OGDHL: variants seen among roughly 807,000 people sequenced by gnomAD.
The protein encoded by OGDHL is 2-oxoglutarate dehydrogenase-like, mitochondrial.
Under a neutral mutation model 109.6 loss-of-function variants are expected in OGDHL, and 79 were observed. That is an observed-to-expected ratio of 0.72 (90% CI 0.60 to 0.87). The LOEUF (loss-of-function observed/expected upper bound fraction) is 0.87. Among genes scored for constraint, OGDHL ranks in the 40% least tolerant of loss-of-function variants. The pLI is 0.00. For synonymous variants in OGDHL, 528 were observed against 537.2 expected (o/e 0.98, Z 0.24); for missense variants, 1,275 against 1,362.2 (o/e 0.94, Z 1.01).
chr10:49,747,324 T>G, intron 8 of OGDHL, 116 bp from the exon 9 acceptor site: 2 of 1,104,414 alleles, frequency 1.8e-6, no homozygotes, highest in Non-Finnish European at 2.6e-6. Flanking sequence ...TCCCACTGCC[T>G]CAGAGGGCCA....
At chr10:49,757,513 A>G (rs1450271334) in intron 2 of OGDHL, among the ~76,000 whole-genome samples, 1 of 152,210 alleles carries the variant, frequency 6.6e-6, no homozygotes, top group African/African-American at 2.4e-5. Context: ...CACTTTGGGG[A>G]ATTTACCCTA....
intron 14 of OGDHL, 44 bp downstream of exon 14, chr10:49,743,950 G>A: frequency 6.3e-7 from 1 of 1,597,506 alleles, no homozygotes; most frequent in Non-Finnish European, 8.6e-7. Context: ...ACAGTGTTGG[G>A]GTGGGGCCAG....
At chr10:49,739,961 C>T (rs537332803) in intron 16 of OGDHL, 122 bp from the exon 17 acceptor site, 32 of 1,007,580 alleles carry the variant, frequency 3.2e-5, no homozygotes, top group Admixed American at 1.1e-4. Flanking sequence ...CAAGCCAGGA[C>T]GAACCCAGGG....
In OGDHL at chr10:49,758,776, G is replaced by A. The variant is rs1588813115; in HGVS notation, c.-1-183C>T. The A allele has an allele frequency of 7.9e-6, 5 of 634,446 alleles. No individual in the cohort carries two copies. The East Asian group carries it at 1.1e-4, about 14-fold the overall frequency. The allele number at this position is 634,446 out of a possible 1,614,324, so 39.3% of individuals were successfully genotyped here. ...CCCCTGGGCTTACTGTCTGGTGGAA[G>A]CTCCCAGCTCAGTAAACTCTATCAA... On this transcript the variant is annotated intron_variant, in intron 1 of 22. Coordinates refer to ENST00000374103, the MANE Select transcript of OGDHL (RefSeq NM_018245.3).
intron 17 of OGDHL, 39 bp from the exon 18 acceptor site, chr10:49,738,301 C>G: frequency 6.2e-7 from 1 of 1,609,802 alleles, no homozygotes; most frequent in Non-Finnish European, 8.5e-7. Flanking sequence ...TGGACCCCAC[C>G]ATGGGAAAGA....
chr10:49,751,835 G>C lies in OGDHL; in HGVS notation c.741C>G (p.Arg247=). ...CTCCAGGTGGTGCCAACCTCATGGAGCGCACTAGCCGGGCCAGCAGGGTCC... is the reference window on the plus strand; with the variant it reads ...CTCCAGGTGGTGCCAACCTCATGGACCGCACTAGCCGGGCCAGCAGGGTCC... ...EKRTLLARLV[R]SMRFEDFLAR... The change falls in exon 6 of 23, where the codon CGC becomes CGG. Residue 247 remains arginine, a synonymous_variant. Coordinates refer to ENST00000374103, the MANE Select transcript of OGDHL (RefSeq NM_018245.3). The C allele has an allele frequency of 6.2e-7, 1 of 1,613,706 alleles. No individual in the cohort carries two copies. Among genetic ancestry groups the C allele is most frequent in the Non-Finnish European group, 8.5e-7 (1 of 1,179,914 alleles).
Position 49,740,832 on chromosome 10 carries a change from C to T in OGDHL, c.2018G>A (p.Arg673Gln), listed in dbSNP as rs1462948301. The T allele has an allele frequency of 3.1e-6, 5 of 1,613,824 alleles. No homozygotes were observed. The highest frequency in any genetic ancestry group is 1.3e-5 in the African/African-American group (1 of 75,022). Reference sequence around the variant, plus strand: ...CTCCTGGTCATGGAGAACATGGTGCCGGTGACTGCAGAGACACAGACCGGG... The same window carrying T: ...CTCCTGGTCATGGAGAACATGGTGCTGGTGACTGCAGAGACACAGACCGGG... ...QDVERGTFSH[R>Q]HHVLHDQEVD... The change falls in exon 16 of 23, where the codon CGG (arginine) becomes CAG (glutamine). Residue 673 changes from arginine (R) to glutamine (Q), a missense_variant. Transcript: ENST00000374103.
In OGDHL at chr10:49,735,998, G is replaced by A. The variant is rs374277375; in HGVS notation, c.2909+25C>T. On this transcript the variant is annotated intron_variant, in intron 22 of 22. Transcript: ENST00000374103. ...ACAGAGCCTCAGGGCCGAGGTGAGG[G>A]GCAATCAGCGGCCCCACCATGTACC... The A allele has an allele frequency of 6.3e-4, 968 of 1,542,446 alleles. 1 individual carries two copies. Among genetic ancestry groups the A allele is most frequent in the Non-Finnish European group, 8.2e-4 (934 of 1,144,168 alleles).
intron 4 of OGDHL, among the ~76,000 whole-genome samples, 153 bp from the exon 5 acceptor site, chr10:49,752,401 G>C (rs1029483956): frequency 6.6e-6 from 1 of 152,218 alleles, no homozygotes; most frequent in Non-Finnish European, 1.5e-5. Context: ...AGTGAGCCCA[G>C]GGAGGCAGGG....
intron 10 of OGDHL, among the ~76,000 whole-genome samples, 186 bp from the exon 11 acceptor site, chr10:49,746,163 G>A (rs574246029): frequency 2.6e-5 from 4 of 152,282 alleles, no homozygotes; most frequent in Admixed American, 6.5e-5. Context: ...CCACGGGGAC[G>A]GCAGCAGCAC....
rs894861207 is a variant in OGDHL at position 49,746,741 on chromosome 10, C to T, written c.1296+9G>A. 2.5e-6 allele frequency: 4 copies of T among 1,613,768 alleles called. No homozygotes were observed. In the African/African-American group the frequency reaches 5.3e-5, roughly 22 times the overall value. Reference sequence around the variant, plus strand: ...GCTGTGAGGCCCAGCGTGGAGCCTACATGCTCACCTGGTTGTTGACGACGA... The same window carrying T: ...GCTGTGAGGCCCAGCGTGGAGCCTATATGCTCACCTGGTTGTTGACGACGA... On this transcript the variant is annotated intron_variant, in intron 10 of 22. Coordinates refer to ENST00000374103, the MANE Select transcript of OGDHL (RefSeq NM_018245.3).
chr10:49,753,210 C>CAT (rs1842719487), intron 3 of OGDHL, among the ~76,000 whole-genome samples: 1 of 152,114 alleles, frequency 6.6e-6, no homozygotes, highest in Non-Finnish European at 1.5e-5. Flanking sequence ...GTGAACTACA[C>CAT]ATTATCTAAT....
rs1340405017 is a variant in OGDHL, at chr10:49,736,196, A to G, written c.2755-19T>C. The G allele has an allele frequency of 6.3e-7, 1 of 1,577,072 alleles. No individual in the cohort carries two copies. Among genetic ancestry groups the G allele is most frequent in the Admixed American group, 1.8e-5 (1 of 56,588 alleles). On this transcript the variant is annotated intron_variant, in intron 21 of 22. Transcript: ENST00000374103. The stretch of plus-strand genomic sequence containing the variant: ...GAGAGATCTGGGGAGGCAGAAACAA[A>G]GGAGCATAGCCAGAGGAGGGGCGGT...
rs755676608 is a variant in OGDHL at position 49,752,276 on chromosome 10, G to C, written c.479-28C>G. ...GGAGAAGGAGGCGTGGCCGAGCCCC[G>C]GGCAGCAAAGTGGAGGGAGGGAGGT... On this transcript the variant is annotated intron_variant, in intron 4 of 22. Coordinates refer to ENST00000374103, the MANE Select transcript of OGDHL (RefSeq NM_018245.3). 1.9e-6 allele frequency: 3 copies of C among 1,572,516 alleles called. No individual in the cohort carries two copies. The African/African-American group carries it at 4.0e-5, about 21-fold the overall frequency.
At chr10:49,758,756 G>T in intron 1 of OGDHL, 163 bp from the exon 2 acceptor site, 1 of 699,462 alleles carries the variant, frequency 1.4e-6, no homozygotes, top group Non-Finnish European at 2.4e-6. Context: ...CCAGCCCCCT[G>T]GGCTTACTGT....
intron 8 of OGDHL, among the ~76,000 whole-genome samples, chr10:49,748,138 C>CG (rs1842327081): frequency 6.6e-6 from 1 of 152,110 alleles, no homozygotes; most frequent in African/African-American, 2.4e-5. Context: ...CTGCACTGCT[C>CG]GGACACCATC....
rs1842950831 is a variant in OGDHL at position 49,756,896 on chromosome 10, A to C, written c.255T>G (p.Ser85=). 2 of 1,613,962 alleles carry C rather than the reference A, an allele frequency of 1.2e-6. No homozygotes were observed. Among genetic ancestry groups the C allele is most frequent in the Non-Finnish European group, 1.7e-6 (2 of 1,179,926 alleles). ...REASEEAFSG[S]AQPRPPSVVH... is the part of the protein sequence containing the mutation. Reference sequence around the variant, plus strand: ...CAACAGAAGGGGGCCGTGGCTGAGCAGAGCCAGAAAAGGCTTCCTCGCTGG... The same window carrying C: ...CAACAGAAGGGGGCCGTGGCTGAGCCGAGCCAGAAAAGGCTTCCTCGCTGG... Residue 85 remains serine, a synonymous_variant, in exon 3 of 23, where the codon TCT becomes TCG. Transcript: ENST00000374103.
intron 7 of OGDHL, 127 bp downstream of exon 7, chr10:49,750,712 T>C (rs1365043271): frequency 6.8e-6 from 9 of 1,317,592 alleles, no homozygotes; most frequent in Admixed American, 5.5e-5. Context: ...CTCAGAACTT[T>C]CCAGGAAACC....
chr10:49,743,798 G>T, intron 14 of OGDHL, 196 bp downstream of exon 14: 1 of 577,034 alleles, frequency 1.7e-6, no homozygotes, highest in Non-Finnish European at 2.9e-6. Flanking sequence ...ATCTGGAGCT[G>T]CCCAGCTCGC....
Sources: allele counts gnomAD v4.1 joint callset (sites outside exome capture counted in the v4.1 genomes callset), GRCh38; gene constraint gnomAD v4.1.1; transcripts MANE v1.5; gene names NCBI Gene and HGNC (gene_info 2026-07-23, HGNC 2026-07-21).